MEF2C: variants seen among roughly 807,000 people sequenced by gnomAD.
The protein encoded by MEF2C is myocyte-specific enhancer factor 2C.
In MEF2C, 6 loss-of-function variants were observed where a neutral mutation model predicts 50.5. That is an observed-to-expected ratio of 0.12 (90% CI 0.07 to 0.23). The LOEUF is 0.23. Among genes scored for constraint, MEF2C ranks in the 10% least tolerant of loss-of-function variants. MEF2C has a pLI of 1.00. For missense variants in MEF2C, 276 were observed against 605.0 expected, an observed-to-expected ratio of 0.46 and a Z score of 5.70; for synonymous variants, 183 against 228.0, an observed-to-expected ratio of 0.80 and a Z score of 1.78.
chr5:88,742,679 A>G, intron 6 of MEF2C: 1 of 985,374 alleles, frequency 1.0e-6, no homozygotes, highest in South Asian at 4.7e-5. Context: ...GGTCGAAGGC[A>G]TATTTTACAA....
chr5:88,891,836 G>A (rs1471669644), intron 1 of MEF2C, among the ~76,000 whole-genome samples: 1 of 151,916 alleles, frequency 6.6e-6, no homozygotes, highest in Non-Finnish European at 1.5e-5. Context: ...TGTCTTTTGG[G>A]TTTGTTTTGT....
chr5:88,749,235 A>G, intron 5 of MEF2C, 118 bp from the exon 6 acceptor site: 1 of 1,289,774 alleles, frequency 7.8e-7, no homozygotes. Flanking sequence ...CTTGTAAAGT[A>G]CAACCCAAGT....
At chr5:88,753,902 G>A (rs529672018) in intron 4 of MEF2C, among the ~76,000 whole-genome samples, 2 of 152,326 alleles carry the variant, frequency 1.3e-5, no homozygotes, top group African/African-American at 4.8e-5. Flanking sequence ...ATCAGCATAT[G>A]CTGTAAAGTC....
chr5:88,895,514 A>G (rs939438983), intron 1 of MEF2C, among the ~76,000 whole-genome samples: 1 of 152,292 alleles, frequency 6.6e-6, no homozygotes, highest in Admixed American at 6.5e-5. Context: ...AATTTAAGGG[A>G]ACTGAGCATA....
At chr5:88,877,846 G>A (rs1171512592) in intron 1 of MEF2C, 1 of 151,868 alleles carries the variant, frequency 6.6e-6, no homozygotes, top group East Asian at 1.9e-4. Context: ...GTCAATAAGA[G>A]CTACTTTAAA....
At chr5:88,755,668 A>C (rs550578084) in intron 4 of MEF2C, among the ~76,000 whole-genome samples, 1 of 152,236 alleles carries the variant, frequency 6.6e-6, no homozygotes, top group Non-Finnish European at 1.5e-5. Flanking sequence ...CTGGGCTACA[A>C]ATGTTTTAAT....
At chr5:88,801,971 G>T (rs921184720) in intron 3 of MEF2C, among the ~76,000 whole-genome samples, 6 of 152,178 alleles carry the variant, frequency 3.9e-5, no homozygotes, top group Non-Finnish European at 8.8e-5. Context: ...TTACTAAAAT[G>T]TGGAAAAGCC....
In MEF2C at chr5:88,718,627, G is replaced by C. The variant is rs1396272942; in HGVS notation, c.*3977C>G. On this transcript the variant is annotated 3_prime_UTR_variant, in exon 11 of 11. Transcript: ENST00000504921. ...GACCCAGGTCTACTTTGCTCGAAGA[G>C]AACACTGGTACTGCATTCAAACCAC... 1 of 152,182 alleles carries C rather than the reference G, an allele frequency of 6.6e-6. No individual in the cohort carries two copies. The highest frequency in any genetic ancestry group is 1.5e-5 in the Non-Finnish European group (1 of 68,028). 9.4% of individuals were successfully genotyped at this position (152,182 alleles called of 1,614,324 possible).
At chr5:88,806,262 C>T (rs1473747156) in intron 2 of MEF2C, among the ~76,000 whole-genome samples, 1 of 152,064 alleles carries the variant, frequency 6.6e-6, no homozygotes, top group Non-Finnish European at 1.5e-5. Flanking sequence ...GCAGAGAGGC[C>T]AGCTCATTTT....
At chr5:88,740,350 G>T (rs1766062462) in intron 6 of MEF2C, 2 of 984,742 alleles carry the variant, frequency 2.0e-6, no homozygotes, top group African/African-American at 3.5e-5. Context: ...TGAGGGAGAG[G>T]TAAAGAAATT....
chr5:88,739,175 T>A (rs1055368761), intron 6 of MEF2C: 60 of 976,310 alleles, frequency 6.1e-5, no homozygotes, highest in Non-Finnish European at 7.2e-5. Context: ...TAACTTCTAA[T>A]ATATAAATGT....
intron 1 of MEF2C, among the ~76,000 whole-genome samples, chr5:88,868,550 C>T (rs1304616572): frequency 1.3e-5 from 2 of 152,060 alleles, no homozygotes; most frequent in Non-Finnish European, 2.9e-5. Context: ...TGTGACACCC[C>T]CCACCCAATA....
At chr5:88,861,388 A>G (rs1353358403) in intron 1 of MEF2C, among the ~76,000 whole-genome samples, 1 of 152,250 alleles carries the variant, frequency 6.6e-6, no homozygotes, top group Non-Finnish European at 1.5e-5. Flanking sequence ...CAGATCTGAA[A>G]TGAATCATAT....
chr5:88,772,845 T>C (rs1300658673), intron 3 of MEF2C: 4 of 985,456 alleles, frequency 4.1e-6, no homozygotes, highest in Non-Finnish European at 4.8e-6. Flanking sequence ...GGGTCTCTTA[T>C]AGTCTATCTC....
At chr5:88,900,663 A>G (rs899298244) in intron 1 of MEF2C, among the ~76,000 whole-genome samples, 21 of 151,998 alleles carry the variant, frequency 1.4e-4, no homozygotes, top group Admixed American at 1.2e-3. Context: ...TTCTCTAACA[A>G]GGTATTAAAT....
At chr5:88,751,465 T>C in intron 5 of MEF2C, 1 of 985,308 alleles carries the variant, frequency 1.0e-6, no homozygotes, top group Non-Finnish European at 1.2e-6. Flanking sequence ...ATAAATACTA[T>C]CACAGAACAC....
intron 2 of MEF2C, among the ~76,000 whole-genome samples, chr5:88,811,032 C>A (rs536051600): frequency 5.9e-5 from 9 of 152,048 alleles, no homozygotes; most frequent in Non-Finnish European, 1.3e-4. Flanking sequence ...AAAGTTTTAG[C>A]GTTCTATAGT....
chr5:88,854,138 G>T (rs1223874132), intron 1 of MEF2C, among the ~76,000 whole-genome samples: 1 of 152,118 alleles, frequency 6.6e-6, no homozygotes, highest in Non-Finnish European at 1.5e-5. Context: ...CATATTTTTG[G>T]TGAGACCAAA....
At chr5:88,844,280 A>G (rs1818521194) in intron 1 of MEF2C, among the ~76,000 whole-genome samples, 1 of 152,194 alleles carries the variant, frequency 6.6e-6, no homozygotes, top group Admixed American at 6.5e-5. Context: ...AAAATGCACA[A>G]CTTGTCCAAC....
Sources: gnomAD v4.1 joint callset for allele counts (sites outside exome capture counted in the v4.1 genomes callset) on GRCh38, gnomAD v4.1.1 for gene constraint, MANE v1.5 for transcripts, NCBI Gene and HGNC (gene_info 2026-07-23, HGNC 2026-07-21) for gene names.